The following PRKAG2 variants were observed in gnomAD, a reference collection of about 807,000 sequenced individuals.
PRKAG2 encodes 5'-AMP-activated protein kinase subunit gamma-2.
Under a neutral mutation model 69.6 loss-of-function variants are expected in PRKAG2, and 26 were observed. The ratio of observed to expected loss-of-function variants is 0.37; its 90% CI spans 0.27 to 0.52. The LOEUF is 0.52. Ranked by LOEUF, PRKAG2 falls within the 20% of genes least tolerant of loss-of-function variation. PRKAG2 has a pLI of 0.90. For synonymous variants in PRKAG2, 293 were observed against 285.0 expected (o/e 1.03, Z -0.28); for missense variants, 557 against 740.0 (o/e 0.75, Z 2.87).
At chr7:151,675,375 C>T (rs1490101336) in intron 4 of PRKAG2, 45 bp downstream of exon 4, 17 of 1,572,032 alleles carry the variant, frequency 1.1e-5, no homozygotes, top group Non-Finnish European at 1.5e-5. Context: ...CTCTGCCCTC[C>T]CTCTGCCACC....
intron 3 of PRKAG2, among the ~76,000 whole-genome samples, chr7:151,692,365 A>G (rs2151532995): frequency 6.6e-6 from 1 of 152,328 alleles, no homozygotes. Context: ...TACATACTAT[A>G]TATTTCCATT....
At chr7:151,648,846 C>T (rs1212797688) in intron 4 of PRKAG2, among the ~76,000 whole-genome samples, 1 of 151,844 alleles carries the variant, frequency 6.6e-6, no homozygotes, top group African/African-American at 2.4e-5. Flanking sequence ...GTGAGACCCC[C>T]GTCTCTTTAA....
chr7:151,695,277 A>G (rs1836416068), intron 3 of PRKAG2, among the ~76,000 whole-genome samples: 1 of 152,210 alleles, frequency 6.6e-6, no homozygotes, highest in South Asian at 2.1e-4. Context: ...TTATGTGACC[A>G]TAAAATCACA....
At chr7:151,809,514 C>T (rs2078306501) in intron 1 of PRKAG2, 1 of 261,594 alleles carries the variant, frequency 3.8e-6, no homozygotes, top group South Asian at 3.5e-5. Flanking sequence ...CATATCATTC[C>T]TGCTTGCTCT....
intron 5 of PRKAG2, among the ~76,000 whole-genome samples, chr7:151,596,918 GA>G (rs368128773): frequency 6.0e-4 from 89 of 148,610 alleles, no homozygotes; most frequent in African/African-American, 2.0e-3. Flanking sequence ...CGCAGGACAA[GA>G]AAAAAAAAAT....
chr7:151,781,178 A>G lies in PRKAG2; in HGVS notation c.440T>C (p.Ile147Thr), dbSNP rs2076649376. Reference protein sequence around the residue: ...NSNPATSPGGIRFFSRSRKTS... With the variant: ...NSNPATSPGGTRFFSRSRKTS... ...TTTTCTGGAGCGGGAGAAAAACCTG[A>G]TGCCCCCGGGCGAGGTAGCAGGGTT... Residue 147 changes from isoleucine (I) to threonine (T), a missense_variant, in exon 3 of 16, where the codon ATC (isoleucine) becomes ACC (threonine). Ile to Thr is a moderately conservative substitution (Grantham distance 89). Coordinates refer to ENST00000287878, the MANE Select transcript of PRKAG2 (RefSeq NM_016203.4). The surrounding 1 kb of genome is among the most constrained non-coding windows in gnomAD (Gnocchi z 6.1). The G allele has an allele frequency of 6.2e-7, 1 of 1,613,770 alleles. No individual in the cohort carries two copies. The highest frequency in any genetic ancestry group is 1.7e-5 in the Admixed American group (1 of 59,998).
chr7:151,572,475 A>AGGGAACAATAC, intron 9 of PRKAG2, 189 bp downstream of exon 9: 1 of 501,382 alleles, frequency 2.0e-6, no homozygotes, highest in Non-Finnish European at 3.6e-6. Flanking sequence ...TATAAACAGA[A>AGGGAACAATAC]GGGACAATAC....
At chr7:151,587,773 G>A (rs57471262) in intron 6 of PRKAG2, among the ~76,000 whole-genome samples, 22,014 of 152,170 alleles carry the variant, frequency 0.14, 1,701 homozygotes, top group East Asian at 0.27. Context: ...ATGATGACGA[G>A]ACGTGATGGG....
At position 151,561,264 on chromosome 7, in the gene PRKAG2, G is replaced by A. The variant is rs189414252; in HGVS notation, c.1585-647C>T. Among the ~76,000 whole-genome samples, 8 of 152,234 alleles carry A rather than the reference G, an allele frequency of 5.3e-5. No individual in the cohort carries two copies. In the East Asian group the frequency reaches 5.8e-4, roughly 11 times the overall value. On this transcript the variant is annotated intron_variant, in intron 14 of 15. Coordinates refer to ENST00000287878, the MANE Select transcript of PRKAG2 (RefSeq NM_016203.4). ...TATAGAAAAGATACAACTCAAACAC[G>A]AAACACAACGTAGCTATCATACATT...
intron 3 of PRKAG2, among the ~76,000 whole-genome samples, chr7:151,700,515 G>C (rs908995693): frequency 2.0e-5 from 3 of 152,168 alleles, no homozygotes; most frequent in Non-Finnish European, 4.4e-5. Flanking sequence ...TTTAACGCAG[G>C]CTTGTGAATC....
rs909189100 is a variant in PRKAG2 at position 151,567,810 on chromosome 7, C to G, written c.1233+906G>C. Among the ~76,000 whole-genome samples, 1 of 152,202 alleles carries G rather than the reference C, an allele frequency of 6.6e-6. No individual in the cohort carries two copies. Among genetic ancestry groups the G allele is most frequent in the South Asian group, 2.1e-4 (1 of 4,836 alleles). On this transcript the variant is annotated intron_variant, in intron 11 of 15. Coordinates refer to ENST00000287878, the MANE Select transcript of PRKAG2 (RefSeq NM_016203.4). The surrounding 1 kb of genome is among the most constrained non-coding windows in gnomAD (Gnocchi z 4.2). ...ATCACTAAGCCCTCTGTGCTTCTGT[C>G]AGCAAAAGGGGTCCCTCAAGCTGCC... is the stretch of plus-strand genomic sequence containing the variant.
At chr7:151,622,636 C>T (rs1386992452) in intron 5 of PRKAG2, among the ~76,000 whole-genome samples, 1 of 152,066 alleles carries the variant, frequency 6.6e-6, no homozygotes. Flanking sequence ...AAATTGATAC[C>T]CTTGAGCCTG....
chr7:151,661,014 T>TTACAGGAA (rs1012953449), intron 4 of PRKAG2, among the ~76,000 whole-genome samples: 2 of 152,242 alleles, frequency 1.3e-5, no homozygotes, highest in Admixed American at 6.5e-5. Context: ...CTTCTTCATC[T>TTACAGGAA]TACAGGAATG....
chr7:151,741,057 A>C (rs2073848557), intron 3 of PRKAG2, among the ~76,000 whole-genome samples: 1 of 152,192 alleles, frequency 6.6e-6, no homozygotes, highest in African/African-American at 2.4e-5. Flanking sequence ...CGATTTAAAA[A>C]TAAAATAACA....
chr7:151,814,514 G>A lies in PRKAG2; in HGVS notation c.115-27973C>T. Reference sequence around the variant, plus strand: ...GGCAGGATGCGAGTGACGGGGACGGGCGGCACTCCCAGCTCTGACAAATCC... The same window carrying A: ...GGCAGGATGCGAGTGACGGGGACGGACGGCACTCCCAGCTCTGACAAATCC... On this transcript the variant is annotated intron_variant, in intron 1 of 15. Coordinates refer to ENST00000287878, the MANE Select transcript of PRKAG2 (RefSeq NM_016203.4). This position sits in a 1 kb window ranked among gnomAD's most constrained non-coding sequence, Gnocchi z 4.8. 8.1e-7 allele frequency: 1 copy of A among 1,231,192 alleles called. No individual in the cohort carries two copies. Among genetic ancestry groups the A allele is most frequent in the Non-Finnish European group, 1.0e-6 (1 of 987,972 alleles). 76.3% of individuals were successfully genotyped at this position (1,231,192 alleles called of 1,614,324 possible).
At chr7:151,738,890 C>A (rs1034296533) in intron 3 of PRKAG2, among the ~76,000 whole-genome samples, 1 of 152,296 alleles carries the variant, frequency 6.6e-6, no homozygotes, top group African/African-American at 2.4e-5. Flanking sequence ...CCAGTCACTG[C>A]AGATGCCTGA....
At chr7:151,580,203 C>T (rs766448602) in intron 6 of PRKAG2, among the ~76,000 whole-genome samples, 9 of 152,146 alleles carry the variant, frequency 5.9e-5, no homozygotes, top group Admixed American at 1.3e-4. Context: ...AAAAATTAGT[C>T]GGGTGTGGTG....
chr7:151,764,600 ACAC>A (rs2075630647), intron 3 of PRKAG2, among the ~76,000 whole-genome samples: 1 of 152,220 alleles, frequency 6.6e-6, no homozygotes, highest in Non-Finnish European at 1.5e-5. Context: ...TGCGATGGCT[ACAC>A]CACGAGTGCT....
chr7:151,623,329 AC>A (rs1301498402), intron 5 of PRKAG2, among the ~76,000 whole-genome samples: 1 of 128,306 alleles, frequency 7.8e-6, no homozygotes, highest in Non-Finnish European at 1.6e-5. Flanking sequence ...GCGCCACTGC[AC>A]TCCAGCCTGG....
Sources: gnomAD v4.1 joint callset for allele counts (sites outside exome capture counted in the v4.1 genomes callset) on GRCh38, gnomAD v4.1.1 for gene constraint, Gnocchi (gnomAD v3.1) non-coding constraint, MANE v1.5 for transcripts, NCBI Gene and HGNC (gene_info 2026-07-23, HGNC 2026-07-21) for gene names.